MCFD2: variants seen among roughly 807,000 people sequenced by gnomAD.
The protein encoded by MCFD2 is multiple coagulation factor deficiency protein 2.
Under a neutral mutation model 12.8 loss-of-function variants are expected in MCFD2, and 11 were observed. The ratio of observed to expected loss-of-function variants is 0.86; its 90% CI spans 0.54 to 1.42. The LOEUF (loss-of-function observed/expected upper bound fraction) is 1.42. MCFD2 is among the 40% of genes most tolerant of loss of function. MCFD2 has a pLI of 0.00. For missense variants in MCFD2, 191 were observed against 178.6 expected (o/e 1.07, Z -0.40); for synonymous variants, 70 against 68.1 (o/e 1.03, Z -0.14).
chr2:46,906,443 A>G (rs1668238722), intron 3 of MCFD2, among the ~76,000 whole-genome samples: 1 of 149,864 alleles, frequency 6.7e-6, no homozygotes, highest in Admixed American at 6.6e-5. Context: ...GTGTGGCAGA[A>G]GGGGAATGAC....
intron 3 of MCFD2, chr2:46,905,909 T>G: frequency 2.0e-6 from 1 of 499,068 alleles, no homozygotes; most frequent in Admixed American, 2.3e-5. Flanking sequence ...GCTTATTTGT[T>G]TCATTATGGC....
chr2:46,914,365 C>T (rs1668609028), intron 1 of MCFD2, among the ~76,000 whole-genome samples: 1 of 152,232 alleles, frequency 6.6e-6, no homozygotes, highest in South Asian at 2.1e-4. Context: ...TCCAGACATC[C>T]TGTACCCACA....
chr2:46,938,691 G>A (rs1257878347), intron 1 of MCFD2, among the ~76,000 whole-genome samples: 1 of 152,174 alleles, frequency 6.6e-6, no homozygotes, highest in Non-Finnish European at 1.5e-5. Flanking sequence ...TATGGGCCCT[G>A]TGTGGTGGGT....
chr2:46,937,823 G>A lies in MCFD2; in HGVS notation c.-8+3749C>T, dbSNP rs1670056277. 6.6e-6 allele frequency among the ~76,000 whole-genome samples: 1 copy of A among 152,212 alleles called. No homozygotes were observed. The highest frequency in any genetic ancestry group is 2.1e-4 in the South Asian group (1 of 4,834). ...GAACGTTAGTCAAGGTCTTTTGGAGGCTATCGGCAGTCTTCCCTGTGAAAG... is the reference window on the plus strand; with the variant it reads ...GAACGTTAGTCAAGGTCTTTTGGAGACTATCGGCAGTCTTCCCTGTGAAAG... On this transcript the variant is annotated intron_variant, in intron 1 of 2. Transcript: ENST00000409147. This position sits in a 1 kb window ranked among gnomAD's most constrained non-coding sequence, Gnocchi z 4.0.
chr2:46,930,517 T>A (rs57432179), intron 1 of MCFD2, among the ~76,000 whole-genome samples: 15 of 145,802 alleles, frequency 1.0e-4, no homozygotes, highest in Non-Finnish European at 1.9e-4. Context: ...TTTTTTTTTT[T>A]AGACAAAGTC....
At chr2:46,932,628 C>T (rs1425655160) in intron 1 of MCFD2, among the ~76,000 whole-genome samples, 1 of 151,950 alleles carries the variant, frequency 6.6e-6, no homozygotes, top group Non-Finnish European at 1.5e-5. Flanking sequence ...AGGCCAGGTG[C>T]AGTGGCTCAG....
At chr2:46,917,892 T>C (rs1558470109), upstream of MCFD2, among the ~76,000 whole-genome samples, 1 of 152,240 alleles carries the variant, frequency 6.6e-6, no homozygotes. Context: ...CCTCACTCAT[T>C]ATCCTTTCTT....
chr2:46,919,645 G>T (rs1351156851), upstream of MCFD2, among the ~76,000 whole-genome samples: 2 of 152,198 alleles, frequency 1.3e-5, no homozygotes, highest in East Asian at 3.8e-4. Flanking sequence ...TCTCAAGCCT[G>T]GTTAACAACA....
chr2:46,921,692 C>T (rs1304822878), intron 1 of MCFD2, among the ~76,000 whole-genome samples: 2 of 152,172 alleles, frequency 1.3e-5, no homozygotes, highest in Non-Finnish European at 2.9e-5. Flanking sequence ...TCATGGAAGA[C>T]AATTTTTCCA....
At chr2:46,923,698 C>T (rs1309906967) in intron 1 of MCFD2, among the ~76,000 whole-genome samples, 1 of 152,070 alleles carries the variant, frequency 6.6e-6, no homozygotes, top group Admixed American at 6.5e-5. Context: ...TTGAGACCAG[C>T]CTGCACAACA....
chr2:46,935,217 G>T (rs904186446), intron 1 of MCFD2, among the ~76,000 whole-genome samples: 2 of 152,064 alleles, frequency 1.3e-5, no homozygotes, highest in Admixed American at 1.3e-4. Flanking sequence ...GGTCAGGCGT[G>T]TGTGGAGGAA....
intron 1 of MCFD2, among the ~76,000 whole-genome samples, chr2:46,933,614 T>C (rs968409284): frequency 1.3e-5 from 2 of 152,184 alleles, no homozygotes; most frequent in Non-Finnish European, 2.9e-5. Context: ...GGGCAGGATG[T>C]GCTCTGAGCC....
intron 1 of MCFD2, among the ~76,000 whole-genome samples, chr2:46,938,188 C>A (rs1323301187): frequency 6.6e-6 from 1 of 152,054 alleles, no homozygotes; most frequent in African/African-American, 2.4e-5. Flanking sequence ...AAGAAAAAAG[C>A]AAAAATCAAG....
At position 46,937,210 on chromosome 2, in the gene MCFD2, C is replaced by G. The variant is rs1412986176; in HGVS notation, c.-8+4362G>C. Among the ~76,000 whole-genome samples the G allele has an allele frequency of 6.6e-6, 1 of 152,072 alleles. No homozygotes were observed. On this transcript the variant is annotated intron_variant, in intron 1 of 2. Transcript: ENST00000409147. This position sits in a 1 kb window ranked among gnomAD's most constrained non-coding sequence, Gnocchi z 4.0. The stretch of plus-strand genomic sequence containing the variant: ...GGCCAAAGCAAAATAAAAAGCTGAA[C>G]TACTTAAAACTATCTTTTAGACCTC...
upstream of MCFD2, among the ~76,000 whole-genome samples, chr2:46,918,979 T>C (rs1360204958): frequency 2.6e-5 from 4 of 152,176 alleles, no homozygotes; most frequent in Admixed American, 1.3e-4. Context: ...CTAGTACAAG[T>C]AGAGACAGAG....
At chr2:46,938,320 C>T (rs1045449360) in intron 1 of MCFD2, among the ~76,000 whole-genome samples, 3 of 152,190 alleles carry the variant, frequency 2.0e-5, no homozygotes, top group African/African-American at 7.2e-5. Flanking sequence ...CAATCTTAAA[C>T]TTGATCACTA....
At chr2:46,920,665 A>G (rs1408305362), upstream of MCFD2, among the ~76,000 whole-genome samples, 1 of 150,982 alleles carries the variant, frequency 6.6e-6, no homozygotes, top group Non-Finnish European at 1.5e-5. Context: ...AAAAAAAAAT[A>G]GATAAATTTA....
intron 1 of MCFD2, among the ~76,000 whole-genome samples, chr2:46,926,960 C>A (rs1669414975): frequency 6.8e-6 from 1 of 147,854 alleles, no homozygotes; most frequent in African/African-American, 2.6e-5. Context: ...AATTTGTGAA[C>A]AGAAAAATAT....
chr2:46,926,365 T>C (rs1669384032), intron 1 of MCFD2, among the ~76,000 whole-genome samples: 1 of 152,122 alleles, frequency 6.6e-6, no homozygotes. Context: ...ACAGTCTAGA[T>C]GGGGAGAGAA....
Sources: gnomAD v4.1 joint callset for allele counts (sites outside exome capture counted in the v4.1 genomes callset) on GRCh38, gnomAD v4.1.1 for gene constraint, Gnocchi (gnomAD v3.1) non-coding constraint, MANE v1.5 for transcripts, NCBI Gene and HGNC (gene_info 2026-07-23, HGNC 2026-07-21) for gene names.